The following SDK1 variants were observed in gnomAD, a reference collection of about 807,000 sequenced individuals.
SDK1 encodes protein sidekick-1.
SDK1 carries 157 observed loss-of-function variants against 245.5 expected under a neutral mutation model. The ratio of observed to expected loss-of-function variants is 0.64; its 90% CI spans 0.56 to 0.73. The LOEUF (loss-of-function observed/expected upper bound fraction) is 0.73, where lower values mean the gene tolerates loss of function less well. Ranked by LOEUF, SDK1 falls within the 30% of genes least tolerant of loss-of-function variation. The pLI, the probability that SDK1 is intolerant of heterozygous loss-of-function variation, is 0.00. For synonymous variants in SDK1, 1,647 were observed against 1,278.5 expected, an observed-to-expected ratio of 1.29 and a Z score of -6.15; for missense variants, 3,583 against 3,002.3, an observed-to-expected ratio of 1.19 and a Z score of -4.52.
chr7:3,562,819 G>A (rs1779788297), intron 1 of SDK1, among the ~76,000 whole-genome samples: 1 of 151,478 alleles, frequency 6.6e-6, no homozygotes. Flanking sequence ...AGCTATACAA[G>A]ACCTTATAAA....
intron 1 of SDK1, 130 bp downstream of exon 1, chr7:3,302,014 C>G (rs1264747151): frequency 1.5e-5 from 10 of 668,132 alleles, no homozygotes; most frequent in East Asian, 9.1e-5. Context: ...GCTGGGGGCT[C>G]TAGGGAGCCC....
intron 1 of SDK1, among the ~76,000 whole-genome samples, chr7:3,552,131 C>T (rs368057211): frequency 3.7e-4 from 57 of 152,126 alleles, no homozygotes; most frequent in East Asian, 1.5e-3. Context: ...CTCCACCTCC[C>T]GGGTTCATGC....
chr7:3,754,561 A>G (rs1779862680), intron 4 of SDK1, among the ~76,000 whole-genome samples: 1 of 151,952 alleles, frequency 6.6e-6, no homozygotes, highest in Non-Finnish European at 1.5e-5. Context: ...TTTCCTCAGT[A>G]TCCCCTGTTC....
intron 22 of SDK1, among the ~76,000 whole-genome samples, chr7:4,108,225 C>T (rs968087953): frequency 1.3e-5 from 2 of 152,146 alleles, no homozygotes; most frequent in South Asian, 2.1e-4. Context: ...CTGCCATGGG[C>T]CCTGATGGGG....
At chr7:3,829,404 C>G (rs1307906407) in intron 5 of SDK1, among the ~76,000 whole-genome samples, 1 of 152,092 alleles carries the variant, frequency 6.6e-6, no homozygotes, top group Non-Finnish European at 1.5e-5. Flanking sequence ...GATATCGTCA[C>G]GTATATTTTC....
intron 13 of SDK1, among the ~76,000 whole-genome samples, chr7:3,980,215 A>G (rs1180036295): frequency 1.3e-5 from 2 of 152,126 alleles, no homozygotes; most frequent in African/African-American, 4.8e-5. Context: ...CAATTTCACC[A>G]ATTGCTTTCT....
At chr7:4,112,408 G>A (rs966206638) in intron 23 of SDK1, among the ~76,000 whole-genome samples, 1 of 152,168 alleles carries the variant, frequency 6.6e-6, no homozygotes, top group African/African-American at 2.4e-5. Flanking sequence ...CGTTTTCCTT[G>A]TAGCTTAGTG....
intron 1 of SDK1, among the ~76,000 whole-genome samples, chr7:3,397,945 T>C (rs766138794): frequency 3.3e-5 from 5 of 152,102 alleles, no homozygotes; most frequent in Admixed American, 6.6e-5. Flanking sequence ...CCCCTTCAGA[T>C]TGTGTGTTTT....
intron 1 of SDK1, among the ~76,000 whole-genome samples, chr7:3,582,788 C>G (rs1331998592): frequency 1.3e-5 from 2 of 150,744 alleles, no homozygotes; most frequent in Non-Finnish European, 2.9e-5. Flanking sequence ...ATAGAGTTCC[C>G]TTTCACGTTC....
chr7:4,267,821 C>T lies in SDK1; in HGVS notation c.*2437C>T, dbSNP rs1011125256. 60 of 985,606 alleles carry T rather than the reference C, an allele frequency of 6.1e-5. 1 individual carries two copies. Among genetic ancestry groups the T allele is most frequent in the East Asian group, 2.3e-4 (2 of 8,814 alleles). The allele number at this position is 985,606 out of a possible 1,614,324, so 61.1% of individuals were successfully genotyped here. ...CGGAGCGGCCTGTCCGAGGCTACGCCGGCCTCCTGGCTGCTGCTGGACTGT... is the reference window on the plus strand; with the variant it reads ...CGGAGCGGCCTGTCCGAGGCTACGCTGGCCTCCTGGCTGCTGCTGGACTGT... On this transcript the variant is annotated 3_prime_UTR_variant, in exon 45 of 45. Transcript: ENST00000404826.
intron 4 of SDK1, among the ~76,000 whole-genome samples, chr7:3,774,320 C>T (rs1780488946): frequency 1.3e-5 from 2 of 152,092 alleles, no homozygotes; most frequent in African/African-American, 2.4e-5. Context: ...GCAACAGCGG[C>T]CACTGGCCTC....
chr7:4,117,909 A>G (rs1783812725), intron 25 of SDK1, among the ~76,000 whole-genome samples: 1 of 152,178 alleles, frequency 6.6e-6, no homozygotes, highest in African/African-American at 2.4e-5. Context: ...GTTTGACTGT[A>G]TGTCTACCTG....
At chr7:3,412,078 TTAAA>T (rs1779225976) in intron 1 of SDK1, among the ~76,000 whole-genome samples, 1 of 152,076 alleles carries the variant, frequency 6.6e-6, no homozygotes, top group African/African-American at 2.4e-5. Context: ...GAAGGCGTGT[TTAAA>T]TAAGCTGGTT....
chr7:3,567,820 T>C (rs1396204118), intron 1 of SDK1, among the ~76,000 whole-genome samples: 2 of 152,184 alleles, frequency 1.3e-5, no homozygotes, highest in African/African-American at 4.8e-5. Flanking sequence ...TATTCATTTA[T>C]TTTTCTTCTA....
chr7:3,481,568 G>T (rs538486725), intron 1 of SDK1, among the ~76,000 whole-genome samples: 1 of 152,320 alleles, frequency 6.6e-6, no homozygotes, highest in East Asian at 1.9e-4. Flanking sequence ...TTAGGTCCAG[G>T]TATTTATTCT....
At chr7:3,886,079 C>T (rs1781332172) in intron 5 of SDK1, among the ~76,000 whole-genome samples, 1 of 152,100 alleles carries the variant, frequency 6.6e-6, no homozygotes, top group Non-Finnish European at 1.5e-5. Context: ...GCATGGTGGC[C>T]CCGCAGAGAC....
At chr7:4,218,347 C>A (rs922408541) in intron 38 of SDK1, among the ~76,000 whole-genome samples, 1 of 151,818 alleles carries the variant, frequency 6.6e-6, no homozygotes, top group Admixed American at 6.6e-5. Flanking sequence ...GAGCTGGGAT[C>A]GCACCACTGC....
At position 4,267,274 on chromosome 7, in the gene SDK1, C is replaced by T. The variant is rs1394735029; in HGVS notation, c.*1890C>T. The stretch of plus-strand genomic sequence containing the variant: ...CCTCCCTCCCTCCTTCCCTCCCTTC[C>T]TTCCTCTCTTTCCTCCTTCCTTCCC... On this transcript the variant is annotated 3_prime_UTR_variant, in exon 45 of 45. Coordinates refer to ENST00000404826, the MANE Select transcript of SDK1 (RefSeq NM_152744.4). 1 of 636,450 alleles carries T rather than the reference C, an allele frequency of 1.6e-6. No homozygotes were observed. The highest frequency in any genetic ancestry group is 2.0e-5 in the African/African-American group (1 of 49,198). The allele number at this position is 636,450 out of a possible 1,614,324, so 39.4% of individuals were successfully genotyped here.
chr7:3,925,698 AAG>A (rs1179681734), intron 5 of SDK1, among the ~76,000 whole-genome samples: 1 of 152,128 alleles, frequency 6.6e-6, no homozygotes, highest in Non-Finnish European at 1.5e-5. Flanking sequence ...TGCTAAAGAG[AAG>A]TTTGTAAAAT....
Sources: allele counts gnomAD v4.1 joint callset (sites outside exome capture counted in the v4.1 genomes callset), GRCh38; gene constraint gnomAD v4.1.1; transcripts MANE v1.5; gene names NCBI Gene and HGNC (gene_info 2026-07-23, HGNC 2026-07-21).